Variants in CDH13 observed in about 807,000 individuals in gnomAD.
CDH13 encodes cadherin-13.
Under a neutral mutation model 63.8 loss-of-function variants are expected in CDH13, and 24 were observed. That is an observed-to-expected ratio of 0.38 (90% CI 0.27 to 0.53). CDH13 has a LOEUF of 0.53. Among genes scored for constraint, CDH13 ranks in the 20% least tolerant of loss-of-function variants. CDH13 has a pLI of 0.85. For missense variants in CDH13, 1,049 were observed against 903.1 expected, an observed-to-expected ratio of 1.16 and a Z score of -2.07; for synonymous variants, 503 against 355.3, an observed-to-expected ratio of 1.42 and a Z score of -4.67.
chr16:83,308,344 G>A (rs932412160), intron 5 of CDH13, among the ~76,000 whole-genome samples: 6 of 152,148 alleles, frequency 3.9e-5, no homozygotes, highest in African/African-American at 7.2e-5. Flanking sequence ...CTAGTTGATC[G>A]AGAAAATATA....
chr16:83,592,836 G>A (rs939805820), intron 7 of CDH13, among the ~76,000 whole-genome samples: 6 of 152,152 alleles, frequency 3.9e-5, no homozygotes, highest in African/African-American at 7.2e-5. Context: ...GTTCACATTC[G>A]TACCAAGAGG....
intron 2 of CDH13, among the ~76,000 whole-genome samples, chr16:83,014,752 A>G (rs1341380916): frequency 2.4e-5 from 1 of 41,126 alleles, no homozygotes; most frequent in African/African-American, 8.5e-5. Flanking sequence ...AAATATATAT[A>G]TATATATATA....
chr16:82,686,117 G>A (rs1023496534), intron 1 of CDH13, among the ~76,000 whole-genome samples: 9 of 152,198 alleles, frequency 5.9e-5, no homozygotes, highest in Non-Finnish European at 1.0e-4. Flanking sequence ...TTTGGGTAAT[G>A]CATCCTCATC....
intron 2 of CDH13, among the ~76,000 whole-genome samples, chr16:83,023,650 T>C (rs1019580247): frequency 5.3e-5 from 8 of 152,220 alleles, no homozygotes; most frequent in African/African-American, 1.9e-4. Flanking sequence ...TGTTCAGTTT[T>C]GTCCTTAAAT....
In CDH13 at chr16:83,669,547, C is replaced by G. The variant is rs149665161; in HGVS notation, c.1102-1243C>G. On this transcript the variant is annotated intron_variant, in intron 8 of 13. Transcript: ENST00000567109. ...CTTCTCATTCCCACTATTTTCTAGC[C>G]TCCATGCATGTTCTAAGAATTTTCC... is the stretch of plus-strand genomic sequence containing the variant. Among the ~76,000 whole-genome samples, 490 of 152,216 alleles carry G rather than the reference C, an allele frequency of 3.2e-3. 5 individuals are homozygous for G. Among genetic ancestry groups the G allele is most frequent in the Non-Finnish European group, 9.1e-4 (62 of 68,014 alleles).
At chr16:83,038,626 A>G (rs1425831945) in intron 3 of CDH13, among the ~76,000 whole-genome samples, 1 of 152,216 alleles carries the variant, frequency 6.6e-6, no homozygotes, top group African/African-American at 2.4e-5. Context: ...GGATGAAACG[A>G]AAAACAGTGG....
chr16:83,122,556 A>G (rs2035628866), intron 3 of CDH13, among the ~76,000 whole-genome samples: 1 of 152,190 alleles, frequency 6.6e-6, no homozygotes, highest in African/African-American at 2.4e-5. Flanking sequence ...TTCCCTTGAC[A>G]ATACACTGAA....
chr16:82,856,587 A>T (rs1298812826), intron 1 of CDH13, among the ~76,000 whole-genome samples: 2 of 145,204 alleles, frequency 1.4e-5, no homozygotes, highest in African/African-American at 5.1e-5. Flanking sequence ...CTGTAGTCTC[A>T]GCTACTTGGG....
intron 5 of CDH13, among the ~76,000 whole-genome samples, chr16:83,233,593 T>A (rs6565156): frequency 6.6e-6 from 1 of 151,894 alleles, no homozygotes; most frequent in African/African-American, 2.4e-5. Context: ...TTCCAACTTT[T>A]GGGGGCCACC....
At chr16:82,833,013 A>G (rs1597738257) in intron 1 of CDH13, among the ~76,000 whole-genome samples, 2 of 152,268 alleles carry the variant, frequency 1.3e-5, no homozygotes, top group East Asian at 3.9e-4. Context: ...AGCTGCAAAA[A>G]TATGCCACAA....
chr16:82,667,240 A>G (rs1290430681), intron 1 of CDH13, among the ~76,000 whole-genome samples: 2 of 152,176 alleles, frequency 1.3e-5, no homozygotes, highest in Non-Finnish European at 2.9e-5. Context: ...TAAAGCAGAG[A>G]GCTTATACAT....
chr16:82,764,612 T>C (rs554701697), intron 1 of CDH13, among the ~76,000 whole-genome samples: 18 of 152,324 alleles, frequency 1.2e-4, no homozygotes, highest in African/African-American at 3.6e-4. Flanking sequence ...AGTGAAGGCA[T>C]GATGCCTGGC....
chr16:82,987,850 T>C (rs917052698), intron 2 of CDH13, among the ~76,000 whole-genome samples: 3 of 152,268 alleles, frequency 2.0e-5, no homozygotes, highest in Non-Finnish European at 2.9e-5. Flanking sequence ...CCCCATCTCT[T>C]GCTTTGTGAT....
intron 1 of CDH13, among the ~76,000 whole-genome samples, chr16:82,792,417 A>T (rs1330861308): frequency 6.6e-6 from 1 of 152,168 alleles, no homozygotes; most frequent in Non-Finnish European, 1.5e-5. Context: ...TGATAAAAAA[A>T]AGATCAATTC....
intron 5 of CDH13, among the ~76,000 whole-genome samples, chr16:83,271,172 A>G (rs1292421685): frequency 3.3e-5 from 5 of 151,968 alleles, no homozygotes; most frequent in Non-Finnish European, 5.9e-5. Flanking sequence ...TTTGAGGTCT[A>G]TGCCCTATCC....
In CDH13 at chr16:83,742,817, G is replaced by T. The variant is rs77327492; in HGVS notation, c.1539-5291G>T. 4.3e-3 allele frequency among the ~76,000 whole-genome samples: 655 copies of T among 152,326 alleles called. 6 individuals are homozygous for T. The highest frequency in any genetic ancestry group is 0.015 in the African/African-American group (635 of 41,564). On this transcript the variant is annotated intron_variant, in intron 10 of 13. Coordinates refer to ENST00000567109, the MANE Select transcript of CDH13 (RefSeq NM_001257.5). ...TCCGTCTGTCCTCCTCTGTCTGCAG[G>T]TGTGTTTCTGAGTAGGAGCAGCAAG...
intron 1 of CDH13, among the ~76,000 whole-genome samples, chr16:82,743,143 G>A (rs1267261024): frequency 1.3e-5 from 2 of 152,182 alleles, no homozygotes; most frequent in Non-Finnish European, 2.9e-5. Flanking sequence ...TTTTAAAAAT[G>A]TAGAACAATA....
intron 2 of CDH13, among the ~76,000 whole-genome samples, chr16:82,965,212 G>C (rs1335233412): frequency 1.3e-5 from 2 of 152,148 alleles, no homozygotes; most frequent in Non-Finnish European, 2.9e-5. Flanking sequence ...CCACCAGAAA[G>C]TACTCCTTGT....
chr16:82,761,397 A>G (rs1174937302), intron 1 of CDH13, among the ~76,000 whole-genome samples: 1 of 152,188 alleles, frequency 6.6e-6, no homozygotes, highest in African/African-American at 2.4e-5. Context: ...CTTATTTTTC[A>G]TTCCTCAGAT....
Sources: allele counts gnomAD v4.1 joint callset (sites outside exome capture counted in the v4.1 genomes callset), GRCh38; gene constraint gnomAD v4.1.1; transcripts MANE v1.5; gene names NCBI Gene and HGNC (gene_info 2026-07-23, HGNC 2026-07-21).